The following LDB2 variants were observed in gnomAD, a reference collection of about 807,000 sequenced individuals.
The protein encoded by LDB2 is LIM domain-binding protein 2.
LDB2 carries 12 observed loss-of-function variants against 44.3 expected under a neutral mutation model. That is an observed-to-expected ratio of 0.27 (90% CI 0.17 to 0.44). LDB2 has a LOEUF of 0.44. Among genes scored for constraint, LDB2 ranks in the 20% least tolerant of loss-of-function variants. The probability of loss-of-function intolerance (pLI) is 1.00; values close to 1 mark genes in which losing one functional copy is unlikely to be tolerated. For synonymous variants in LDB2, 164 were observed against 174.8 expected (o/e 0.94, Z 0.49); for missense variants, 344 against 473.5 (o/e 0.73, Z 2.54).
chr4:16,641,954 T>C (rs1354246505), intron 2 of LDB2, among the ~76,000 whole-genome samples: 3 of 151,576 alleles, frequency 2.0e-5, no homozygotes, highest in African/African-American at 4.9e-5. Context: ...GTAACTAAAG[T>C]GGGGGAGGGG....
intron 1 of LDB2, among the ~76,000 whole-genome samples, chr4:16,823,231 G>T (rs974860223): frequency 6.6e-6 from 1 of 152,236 alleles, no homozygotes; most frequent in Non-Finnish European, 1.5e-5. Flanking sequence ...TTACAGATCA[G>T]AGTATGAAGT....
intron 5 of LDB2, among the ~76,000 whole-genome samples, chr4:16,538,198 T>C (rs1250132507): frequency 6.6e-6 from 1 of 152,150 alleles, no homozygotes. Context: ...CACTCTCCAG[T>C]GAGCCTGGAC....
chr4:16,775,232 G>A (rs1319920754), intron 1 of LDB2, among the ~76,000 whole-genome samples: 1 of 152,202 alleles, frequency 6.6e-6, no homozygotes, highest in African/African-American at 2.4e-5. Context: ...CTGGAACAGA[G>A]TAAATGCCCA....
chr4:16,681,779 G>A (rs1463014215), intron 2 of LDB2, among the ~76,000 whole-genome samples: 1 of 151,850 alleles, frequency 6.6e-6, no homozygotes, highest in Non-Finnish European at 1.5e-5. Context: ...CACCGTGTTA[G>A]CCAGGATGGT....
chr4:16,604,537 AT>A (rs901859357), intron 2 of LDB2, among the ~76,000 whole-genome samples: 2 of 149,796 alleles, frequency 1.3e-5, no homozygotes, highest in African/African-American at 2.4e-5. Context: ...ATTTATATAT[AT>A]ATATGTATAA....
At chr4:16,742,194 C>T (rs1763428854) in intron 2 of LDB2, among the ~76,000 whole-genome samples, 1 of 151,638 alleles carries the variant, frequency 6.6e-6, no homozygotes, top group Non-Finnish European at 1.5e-5. Context: ...GCCTCAGTCT[C>T]CCAAGTAGCT....
At position 16,799,537 on chromosome 4, in the gene LDB2, T is replaced by A. The variant is rs6815135; in HGVS notation, c.133-40277A>T. Among the ~76,000 whole-genome samples the A allele has an allele frequency of 2.8e-3, 429 of 152,370 alleles. 2 individuals are homozygous for A. The highest frequency in any genetic ancestry group is 1.0e-2 in the African/African-American group (414 of 41,594). ...GCTCTTGCCCCATCCTTTCCTTTCC[T>A]TCAGGAACTTAGGTTCCTGCCAACC... is the stretch of plus-strand genomic sequence containing the variant. On this transcript the variant is annotated intron_variant, in intron 1 of 7. Transcript: ENST00000304523.
chr4:16,873,397 C>A (rs1409872509), intron 1 of LDB2, among the ~76,000 whole-genome samples: 1 of 152,090 alleles, frequency 6.6e-6, no homozygotes, highest in Non-Finnish European at 1.5e-5. Context: ...AGTGCTGGAG[C>A]ACAGGACAGG....
chr4:16,887,983 G>A (rs747953536), intron 1 of LDB2, among the ~76,000 whole-genome samples: 14 of 152,072 alleles, frequency 9.2e-5, no homozygotes, highest in Admixed American at 2.0e-4. Context: ...GAAAGATACC[G>A]TATGGTACTC....
chr4:16,528,903 G>A (rs1296818418), intron 5 of LDB2, among the ~76,000 whole-genome samples: 1 of 152,012 alleles, frequency 6.6e-6, no homozygotes, highest in Non-Finnish European at 1.5e-5. Flanking sequence ...TGTCTACTCA[G>A]TTAGTTCAGA....
At chr4:16,770,299 C>T (rs1433152057) in intron 1 of LDB2, among the ~76,000 whole-genome samples, 4 of 152,130 alleles carry the variant, frequency 2.6e-5, no homozygotes, top group Non-Finnish European at 4.4e-5. Context: ...ATTTAAATCA[C>T]TTAATTCAAC....
intron 1 of LDB2, among the ~76,000 whole-genome samples, chr4:16,878,358 C>A (rs530262852): frequency 6.6e-6 from 1 of 152,296 alleles, no homozygotes; most frequent in South Asian, 2.1e-4. Flanking sequence ...TCTCTTATTC[C>A]AGTAACCATA....
At chr4:16,513,562 T>C (rs1404713437) in intron 5 of LDB2, among the ~76,000 whole-genome samples, 1 of 152,198 alleles carries the variant, frequency 6.6e-6, no homozygotes, top group African/African-American at 2.4e-5. Context: ...GATCTTCCTA[T>C]GCTGACGTTT....
At chr4:16,673,035 C>A (rs2152560043) in intron 2 of LDB2, among the ~76,000 whole-genome samples, 1 of 151,378 alleles carries the variant, frequency 6.6e-6, no homozygotes, top group East Asian at 1.9e-4. Context: ...TCTCTTTCTT[C>A]CCCCCTTACT....
intron 2 of LDB2, among the ~76,000 whole-genome samples, chr4:16,655,260 G>A (rs1041142110): frequency 3.9e-5 from 6 of 152,176 alleles, no homozygotes; most frequent in African/African-American, 1.4e-4. Flanking sequence ...AGGAGGTCAA[G>A]GTTGATCTTT....
chr4:16,719,888 T>C (rs186057528), intron 2 of LDB2, among the ~76,000 whole-genome samples: 8 of 152,310 alleles, frequency 5.3e-5, no homozygotes, highest in African/African-American at 1.9e-4. Context: ...CTGCTCATTT[T>C]ACAGATGAGG....
At chr4:16,847,641 G>A (rs1281371424) in intron 1 of LDB2, among the ~76,000 whole-genome samples, 2 of 143,416 alleles carry the variant, frequency 1.4e-5, no homozygotes, top group Non-Finnish European at 3.1e-5. Flanking sequence ...TTTTTGAGAC[G>A]GAGTCTCGCT....
rs1023835783 is a variant in LDB2, at chr4:16,802,708, T to C, written c.133-43448A>G. ...TTATCTTGAATTTTAGCTCCCATAA[T>C]TCCCACGTGTTGTGGGAGGGACCCA... On this transcript the variant is annotated intron_variant, in intron 1 of 7. Transcript: ENST00000304523. Among the ~76,000 whole-genome samples, 10 of 152,136 alleles carry C rather than the reference T, an allele frequency of 6.6e-5. 1 individual carries two copies. Among genetic ancestry groups the C allele is most frequent in the Admixed American group, 6.5e-4 (10 of 15,272 alleles).
intron 1 of LDB2, among the ~76,000 whole-genome samples, chr4:16,873,019 A>G (rs902687439): frequency 6.6e-6 from 1 of 152,168 alleles, no homozygotes; most frequent in African/African-American, 2.4e-5. Flanking sequence ...AATGCTCACC[A>G]TCTAATGGGG....
Sources: gnomAD v4.1 joint callset for allele counts (sites outside exome capture counted in the v4.1 genomes callset) on GRCh38, gnomAD v4.1.1 for gene constraint, MANE v1.5 for transcripts, NCBI Gene and HGNC (gene_info 2026-07-23, HGNC 2026-07-21) for gene names.